The following BNIP2 variants were observed in gnomAD, a reference collection of about 807,000 sequenced individuals.
BNIP2 encodes BCL2 interacting protein 2.
In BNIP2, 36 loss-of-function variants were observed where a neutral mutation model predicts 43.4. That is an observed-to-expected ratio of 0.83 (90% CI 0.64 to 1.10). BNIP2 has a LOEUF of 1.10. Among genes scored for constraint, BNIP2 ranks in the 50% least tolerant of loss-of-function variants. The pLI is 0.00. For missense variants in BNIP2, 417 were observed against 374.1 expected (o/e 1.11, Z -0.95); for synonymous variants, 146 against 121.0 (o/e 1.21, Z -1.35).
intron 5 of BNIP2, among the ~76,000 whole-genome samples, chr15:59,675,077 C>A (rs1335408816): frequency 6.7e-6 from 1 of 149,494 alleles, no homozygotes; most frequent in Non-Finnish European, 1.5e-5. Flanking sequence ...GGTGAAACCC[C>A]GTCTCTACTA....
At chr15:59,681,308 C>T (rs1893652043) in intron 2 of BNIP2, among the ~76,000 whole-genome samples, 1 of 152,134 alleles carries the variant, frequency 6.6e-6, no homozygotes, top group South Asian at 2.1e-4. Context: ...CCTTTGCTCT[C>T]TTTTTCATTA....
rs1437539745 is a variant in BNIP2 at position 59,659,386 on chromosome 15, CAGTACATTAA to C, written c.*4673_*4682del. On this transcript the variant is annotated 3_prime_UTR_variant, in exon 10 of 10. Transcript: ENST00000607373. ...TCATCTTAAGAGTAGGAAAATATCA[CAGTACATTAA>C]TTTTGTCTAAATGACAGCAATGAAC... 6.6e-6 allele frequency: 1 copy of C among 152,170 alleles called. No homozygotes were observed. The highest frequency in any genetic ancestry group is 1.5e-5 in the Non-Finnish European group (1 of 68,032). 9.4% of individuals were successfully genotyped at this position (152,170 alleles called of 1,614,324 possible). A position where few individuals can be genotyped will look rare whatever the true frequency, so the allele number is the denominator to read the frequency against.
rs766061979 is a variant in BNIP2, at chr15:59,679,783, T to C, written c.119-15A>G. ...TTCTAGTGAGCCTGGAATTGGAAAATAAAGAAAAAGATACGTAACAAGGAA... is the reference window on the plus strand; with the variant it reads ...TTCTAGTGAGCCTGGAATTGGAAAACAAAGAAAAAGATACGTAACAAGGAA... On this transcript the variant is annotated splice_polypyrimidine_tract_variant and intron_variant, in intron 3 of 9. Transcript: ENST00000607373. 1 of 1,459,122 alleles carries C rather than the reference T, an allele frequency of 6.9e-7. No individual in the cohort carries two copies. Among genetic ancestry groups the C allele is most frequent in the Non-Finnish European group, 9.0e-7 (1 of 1,107,094 alleles). 90.4% of individuals were successfully genotyped at this position (1,459,122 alleles called of 1,614,324 possible). A position where few individuals can be genotyped will look rare whatever the true frequency, so the allele number is the denominator to read the frequency against.
chr15:59,674,721 A>T (rs11071468), intron 5 of BNIP2, among the ~76,000 whole-genome samples: 49,935 of 152,062 alleles, frequency 0.33, 8,535 homozygotes, highest in East Asian at 0.54. Context: ...AGGTAGTATG[A>T]CATGCTCTAC....
At chr15:59,685,750 A>G (rs1350168162) in intron 1 of BNIP2, among the ~76,000 whole-genome samples, 1 of 152,216 alleles carries the variant, frequency 6.6e-6, no homozygotes, top group Non-Finnish European at 1.5e-5. Context: ...ATTTTAGGGG[A>G]AAAGTACACT....
rs1423106078 is a variant in BNIP2, at chr15:59,680,226, G to A, written c.118+15C>T. ...AAGTCCATAATTTCAATGAAAGTAA[G>A]TGTCAAGCTCTTACCAGGCTGGTCC... On this transcript the variant is annotated intron_variant, in intron 3 of 9. Coordinates refer to ENST00000607373, the MANE Select transcript of BNIP2 (RefSeq NM_004330.4). 1.3e-6 allele frequency: 2 copies of A among 1,524,884 alleles called. No individual in the cohort carries two copies. The highest frequency in any genetic ancestry group is 2.8e-5 in the African/African-American group (2 of 71,982). The allele number at this position is 1,524,884 out of a possible 1,614,324, so 94.5% of individuals were successfully genotyped here.
intron 5 of BNIP2, among the ~76,000 whole-genome samples, chr15:59,673,759 TA>T (rs1391983241): frequency 1.3e-5 from 2 of 152,112 alleles, no homozygotes; most frequent in Admixed American, 1.3e-4. Flanking sequence ...AGTTTATATT[TA>T]AAAATGCTAG....
rs151008124 is a variant in BNIP2, at chr15:59,679,902, C to G, written c.119-134G>C. The G allele has an allele frequency of 6.3e-5, 53 of 839,556 alleles. 1 individual carries two copies. In the East Asian group the frequency reaches 9.9e-4, roughly 16 times the overall value. The allele number at this position is 839,556 out of a possible 1,614,324, so 52.0% of individuals were successfully genotyped here. A position where few individuals can be genotyped will look rare whatever the true frequency, so the allele number is the denominator to read the frequency against. On this transcript the variant is annotated intron_variant, in intron 3 of 9. Coordinates refer to ENST00000607373, the MANE Select transcript of BNIP2 (RefSeq NM_004330.4). ...TGAACATAATTTCAAAGCACCTATT[C>G]ACAAAATTTTTATTCTGATCATTAT...
chr15:59,668,589 G>C lies in BNIP2; in HGVS notation c.893+303C>G, dbSNP rs181974837. The stretch of plus-strand genomic sequence containing the variant: ...GTTCAAGTTTGGAGAATGCTCTTTA[G>C]TACTGATCAATTAGAGAAATCATCT... On this transcript the variant is annotated intron_variant, in intron 9 of 9. Coordinates refer to ENST00000607373, the MANE Select transcript of BNIP2 (RefSeq NM_004330.4). 6.6e-5 allele frequency among the ~76,000 whole-genome samples: 10 copies of C among 152,300 alleles called. No individual in the cohort carries two copies. In the East Asian group the frequency reaches 1.7e-3, roughly 26 times the overall value.
Position 59,668,907 on chromosome 15 carries a change from G to A in BNIP2, c.878C>T (p.Pro293Leu), listed in dbSNP as rs1892729931. 6.2e-7 allele frequency: 1 copy of A among 1,613,128 alleles called. No homozygotes were observed. Among genetic ancestry groups the A allele is most frequent in the Non-Finnish European group, 8.5e-7 (1 of 1,179,306 alleles). Reference sequence around the variant, plus strand: ...CAAAACATACTGTTTTATGCATTCTGGTATGCCAACGTATTCCATGGGGAC... The same window carrying A: ...CAAAACATACTGTTTTATGCATTCTAGTATGCCAACGTATTCCATGGGGAC... ...ELVPMEYVGI[P>L]ECIKQVDQEL... Residue 293 changes from proline (P) to leucine (L), a missense_variant, in exon 9 of 10, where the codon CCA (proline) becomes CTA (leucine). Physicochemically the swap from Pro to Leu is moderately conservative, Grantham distance 98. Transcript: ENST00000607373.
In BNIP2 at chr15:59,671,065, C is replaced by T. The variant is rs1344260828; in HGVS notation, c.707+118G>A. On this transcript the variant is annotated intron_variant, in intron 7 of 9. Transcript: ENST00000607373. ...TCCAGCCTGGGCAACAAGAGTGAAACTCCGTCTCAAAAAAAAAAAAAGTTA... is the reference window on the plus strand; with the variant it reads ...TCCAGCCTGGGCAACAAGAGTGAAATTCCGTCTCAAAAAAAAAAAAAGTTA... 6 of 987,124 alleles carry T rather than the reference C, an allele frequency of 6.1e-6. No individual in the cohort carries two copies. The African/African-American group carries it at 1.1e-4, about 18-fold the overall frequency. The allele number at this position is 987,124 out of a possible 1,614,324, so 61.1% of individuals were successfully genotyped here. A position where few individuals can be genotyped will look rare whatever the true frequency, so the allele number is the denominator to read the frequency against.
chr15:59,677,296 A>G, intron 5 of BNIP2: 1 of 1,581,990 alleles, frequency 6.3e-7, no homozygotes, highest in Non-Finnish European at 8.6e-7. Flanking sequence ...CTGGCACACC[A>G]GAAAGCCACA....
At chr15:59,686,522 G>A (rs1329376332) in intron 1 of BNIP2, among the ~76,000 whole-genome samples, 1 of 152,138 alleles carries the variant, frequency 6.6e-6, no homozygotes, top group Non-Finnish European at 1.5e-5. Flanking sequence ...ATTACAGTAG[G>A]CAGATGGAAA....
In BNIP2 at chr15:59,679,650, C is replaced by A. The variant is rs750162245; in HGVS notation, c.237G>T (p.Glu79Asp). 2 of 1,613,272 alleles carry A rather than the reference C, an allele frequency of 1.2e-6. No individual in the cohort carries two copies. Among genetic ancestry groups the A allele is most frequent in the South Asian group, 2.2e-5 (2 of 91,002 alleles). Residue 79 changes from glutamate (E) to aspartate (D), a missense_variant, in exon 4 of 10, where the codon GAG (glutamate) becomes GAT (aspartate). Glu to Asp is a conservative substitution (Grantham distance 45, BLOSUM62 2). Coordinates refer to ENST00000607373, the MANE Select transcript of BNIP2 (RefSeq NM_004330.4). ...GTGTGTCTAAGCCATCTAAGTCAAT[C>A]TCCCCACTTTCATCCAAATCATCTG... ...VLSDDLDESG[E>D]IDLDGLDTPS...
chr15:59,670,871 C>T (rs530514012), intron 7 of BNIP2, among the ~76,000 whole-genome samples: 27 of 152,122 alleles, frequency 1.8e-4, no homozygotes, highest in Admixed American at 4.6e-4. Flanking sequence ...GTCAGGAGTT[C>T]GAGACCAGCC....
intron 5 of BNIP2, among the ~76,000 whole-genome samples, chr15:59,673,162 A>G (rs1893043364): frequency 6.7e-6 from 1 of 148,792 alleles, no homozygotes; most frequent in Non-Finnish European, 1.5e-5. Flanking sequence ...TCTGTCGTCC[A>G]GGCTGGAGGG....
intron 9 of BNIP2, among the ~76,000 whole-genome samples, chr15:59,665,003 C>T (rs960050161): frequency 6.6e-5 from 10 of 152,194 alleles, no homozygotes; most frequent in African/African-American, 2.2e-4. Flanking sequence ...CCGTGGCTCA[C>T]GCCTGTAATC....
At chr15:59,674,914 G>A (rs1893170706) in intron 5 of BNIP2, among the ~76,000 whole-genome samples, 1 of 152,158 alleles carries the variant, frequency 6.6e-6, no homozygotes, top group South Asian at 2.1e-4. Context: ...AGTATGGAAA[G>A]TGGGTGCTGT....
In BNIP2 at chr15:59,659,315, C is replaced by T. The variant is rs754922374; in HGVS notation, c.*4754G>A. On this transcript the variant is annotated 3_prime_UTR_variant, in exon 10 of 10. Transcript: ENST00000607373. ...AGGGACCACATTAATATCTTGCACA[C>T]ACAGACATCAGAACTGAATTTCTGA... The T allele has an allele frequency of 6.6e-6, 1 of 152,200 alleles. No homozygotes were observed. Among genetic ancestry groups the T allele is most frequent in the Non-Finnish European group, 1.5e-5 (1 of 68,034 alleles). The allele number at this position is 152,200 out of a possible 1,614,324, so 9.4% of individuals were successfully genotyped here.
Sources: allele counts gnomAD v4.1 joint callset (sites outside exome capture counted in the v4.1 genomes callset), GRCh38; gene constraint gnomAD v4.1.1; transcripts MANE v1.5; gene names NCBI Gene and HGNC (gene_info 2026-07-23, HGNC 2026-07-21).